Variants in FGF14 observed in about 807,000 individuals in gnomAD.
The protein encoded by FGF14 is fibroblast growth factor homologous factor 4.
A neutral mutation model predicts 25.5 loss-of-function variants in FGF14; 5 were observed. That is an observed-to-expected ratio of 0.20 (90% CI 0.10 to 0.41). The LOEUF is 0.41. Among genes scored for constraint, FGF14 ranks in the 10% least tolerant of loss-of-function variants. The pLI, the probability that FGF14 is intolerant of heterozygous loss-of-function variation, is 1.00. For missense variants in FGF14, 222 were observed against 320.1 expected, an observed-to-expected ratio of 0.69 and a Z score of 2.34; for synonymous variants, 138 against 118.3, an observed-to-expected ratio of 1.17 and a Z score of -1.08.
chr13:102,322,133 CTTAAGCATTGCT>C (rs1253342031), intron 1 of FGF14, among the ~76,000 whole-genome samples: 2 of 152,112 alleles, frequency 1.3e-5, no homozygotes, highest in South Asian at 4.1e-4. Flanking sequence ...CTAGGAAGAG[CTTAAGCATTGCT>C]TTACTAAACA....
At chr13:102,030,391 G>A (rs901665865) in intron 1 of FGF14, among the ~76,000 whole-genome samples, 3 of 151,208 alleles carry the variant, frequency 2.0e-5, no homozygotes, top group African/African-American at 7.3e-5. Flanking sequence ...ATATGGTTTT[G>A]AGTATCATTG....
chr13:102,396,596 A>G (rs1262680371), intron 1 of FGF14, among the ~76,000 whole-genome samples: 1 of 152,254 alleles, frequency 6.6e-6, no homozygotes, highest in East Asian at 1.9e-4. Flanking sequence ...GGTTCATTGT[A>G]GGAAACGTGA....
chr13:102,106,345 T>C (rs2044912780), intron 1 of FGF14, among the ~76,000 whole-genome samples: 1 of 151,942 alleles, frequency 6.6e-6, no homozygotes, highest in Non-Finnish European at 1.5e-5. Flanking sequence ...CCGAGGTGGG[T>C]GAATCACTTG....
intron 1 of FGF14, among the ~76,000 whole-genome samples, chr13:102,352,160 C>A (rs17505711): frequency 0.074 from 11,187 of 150,796 alleles, 509 homozygotes; most frequent in East Asian, 0.16. Context: ...TATTACTGAG[C>A]CTTTGAAATG....
intron 1 of FGF14, among the ~76,000 whole-genome samples, chr13:102,185,833 T>C (rs991862503): frequency 6.6e-6 from 1 of 152,136 alleles, no homozygotes; most frequent in African/African-American, 2.4e-5. Context: ...CTTCACAGCA[T>C]TACTGCGATG....
chr13:102,250,137 C>A (rs983365165), intron 1 of FGF14, among the ~76,000 whole-genome samples: 3 of 152,186 alleles, frequency 2.0e-5, no homozygotes, highest in African/African-American at 7.2e-5. Context: ...GCTTTAACAT[C>A]AGCCAAGCTG....
At chr13:101,870,143 T>A (rs1452356071) in intron 2 of FGF14, among the ~76,000 whole-genome samples, 2 of 152,198 alleles carry the variant, frequency 1.3e-5, no homozygotes, top group East Asian at 3.9e-4. Context: ...GGGATTATGT[T>A]ATTCTTATGA....
At chr13:101,830,195 A>T (rs972353356) in intron 3 of FGF14, among the ~76,000 whole-genome samples, 1 of 152,100 alleles carries the variant, frequency 6.6e-6, no homozygotes, top group Non-Finnish European at 1.5e-5. Flanking sequence ...GCTCTAGAGA[A>T]GTCTAGTAGC....
In FGF14 at chr13:101,716,463, A is replaced by ATATC. The variant is rs1407873006; in HGVS notation, c.*6364_*6367dup. ...TTGTTTATACTCTGTGTCAGTATAT[A>ATATC]TATCTACTGATAATTAAAAATGAAT... On this transcript the variant is annotated 3_prime_UTR_variant, in exon 5 of 5. Coordinates refer to ENST00000376143, the MANE Select transcript of FGF14 (RefSeq NM_004115.4). 6.6e-6 allele frequency: 1 copy of ATATC among 152,198 alleles called. No homozygotes were observed. The highest frequency in any genetic ancestry group is 1.5e-5 in the Non-Finnish European group (1 of 68,022). 9.4% of individuals were successfully genotyped at this position (152,198 alleles called of 1,614,324 possible). A position where few individuals can be genotyped will look rare whatever the true frequency, so the allele number is the denominator to read the frequency against.
intron 3 of FGF14, among the ~76,000 whole-genome samples, chr13:101,787,794 T>C (rs1045043471): frequency 2.0e-5 from 3 of 152,204 alleles, no homozygotes; most frequent in Non-Finnish European, 4.4e-5. Context: ...GGTGTTTCTT[T>C]TCACCTTGTT....
At chr13:102,292,300 A>C (rs987872560) in intron 1 of FGF14, 1 of 139,932 alleles carries the variant, frequency 7.1e-6, no homozygotes, top group Non-Finnish European at 1.6e-5. Context: ...AAAAAAAAAA[A>C]AAAAACTGAC....
chr13:102,265,006 G>T (rs1024521695), intron 1 of FGF14, among the ~76,000 whole-genome samples: 3 of 152,046 alleles, frequency 2.0e-5, no homozygotes, highest in African/African-American at 7.2e-5. Context: ...AAGAAACACA[G>T]TCCTTCACCC....
chr13:102,352,021 T>C (rs1418602522), intron 1 of FGF14, among the ~76,000 whole-genome samples: 3 of 152,140 alleles, frequency 2.0e-5, no homozygotes, highest in Admixed American at 6.5e-5. Flanking sequence ...CTTATGACAT[T>C]ATTTCCACTG....
chr13:101,902,187 G>A (rs78214311), intron 1 of FGF14, among the ~76,000 whole-genome samples: 109 of 152,272 alleles, frequency 7.2e-4, no homozygotes, highest in Non-Finnish European at 3.5e-4. Context: ...ATATATACAA[G>A]AGTAGGCAAG....
chr13:102,359,516 T>G (rs553864088), intron 1 of FGF14, among the ~76,000 whole-genome samples: 1 of 152,322 alleles, frequency 6.6e-6, no homozygotes, highest in South Asian at 2.1e-4. Flanking sequence ...CACTTTTGCA[T>G]TTCTTTCTGC....
chr13:101,942,441 G>A (rs2035515047), intron 1 of FGF14, among the ~76,000 whole-genome samples: 1 of 152,194 alleles, frequency 6.6e-6, no homozygotes. Flanking sequence ...ATTTTTCACA[G>A]TTAAAAATTT....
chr13:101,936,228 T>A (rs987428795), intron 1 of FGF14, among the ~76,000 whole-genome samples: 6 of 152,296 alleles, frequency 3.9e-5, no homozygotes, highest in African/African-American at 1.4e-4. Context: ...GACTCCTTCT[T>A]AATGCCTGAC....
At chr13:102,369,902 A>G (rs549109789) in intron 1 of FGF14, among the ~76,000 whole-genome samples, 2 of 152,184 alleles carry the variant, frequency 1.3e-5, no homozygotes, top group Non-Finnish European at 2.9e-5. Flanking sequence ...TTTAATGCTG[A>G]GCGACAAAGC....
intron 1 of FGF14, among the ~76,000 whole-genome samples, chr13:102,369,902 A>T (rs549109789): frequency 6.6e-6 from 1 of 152,184 alleles, no homozygotes; most frequent in Non-Finnish European, 1.5e-5. Flanking sequence ...TTTAATGCTG[A>T]GCGACAAAGC....
Sources: gnomAD v4.1 joint callset for allele counts (sites outside exome capture counted in the v4.1 genomes callset) on GRCh38, gnomAD v4.1.1 for gene constraint, MANE v1.5 for transcripts, NCBI Gene and HGNC (gene_info 2026-07-23, HGNC 2026-07-21) for gene names.